The following HMCN1 variants were observed in gnomAD, a reference collection of about 807,000 sequenced individuals.
HMCN1 encodes hemicentin-1.
A neutral mutation model predicts 625.9 loss-of-function variants in HMCN1; 321 were observed. The observed-to-expected ratio is 0.51, with a 90% confidence interval of 0.47 to 0.56. HMCN1 has a LOEUF of 0.56. Among genes scored for constraint, HMCN1 ranks in the 20% least tolerant of loss-of-function variants. The pLI, the probability that HMCN1 is intolerant of heterozygous loss-of-function variation, is 0.00. For missense variants in HMCN1, 6,588 were observed against 6,887.3 expected (o/e 0.96, Z 1.54); for synonymous variants, 2,425 against 2,417.6 (o/e 1.00, Z -0.09).
intron 1 of HMCN1, among the ~76,000 whole-genome samples, chr1:185,798,222 A>G (rs1411581667): frequency 6.6e-6 from 1 of 152,098 alleles, no homozygotes; most frequent in African/African-American, 2.4e-5. Context: ...GAATTATGGA[A>G]ATAAGACCCT....
chr1:185,853,953 A>G (rs974140794), intron 2 of HMCN1, among the ~76,000 whole-genome samples: 4 of 152,326 alleles, frequency 2.6e-5, no homozygotes, highest in African/African-American at 7.2e-5. Context: ...GAGAAAGAAT[A>G]CACTAAACTA....
intron 11 of HMCN1, among the ~76,000 whole-genome samples, chr1:185,945,518 A>C (rs1329521086): frequency 1.3e-5 from 2 of 152,226 alleles, no homozygotes; most frequent in African/African-American, 4.8e-5. Flanking sequence ...TAATAAAGGA[A>C]ATTAGGCAAT....
intron 15 of HMCN1, among the ~76,000 whole-genome samples, chr1:185,973,438 A>G (rs989365200): frequency 1.3e-5 from 2 of 152,110 alleles, no homozygotes; most frequent in Non-Finnish European, 2.9e-5. Context: ...TTAGTAGTGC[A>G]TAAAATTGTT....
At chr1:185,849,217 C>T (rs1198706065) in intron 2 of HMCN1, among the ~76,000 whole-genome samples, 2 of 152,142 alleles carry the variant, frequency 1.3e-5, no homozygotes, top group African/African-American at 4.8e-5. Context: ...CACCCATCTC[C>T]TCAGGGCATT....
chr1:186,091,038 A>G, intron 64 of HMCN1, 121 bp downstream of exon 64: 1 of 1,175,012 alleles, frequency 8.5e-7, no homozygotes, highest in South Asian at 1.4e-5. Context: ...CTATCATTAT[A>G]TTCACAAAGA....
In HMCN1 at chr1:186,090,742, A is replaced by G. The variant is rs1172838948; in HGVS notation, c.9728-16A>G. 1 of 1,611,734 alleles carries G rather than the reference A, an allele frequency of 6.2e-7. No homozygotes were observed. The highest frequency in any genetic ancestry group is 1.7e-5 in the Admixed American group (1 of 59,770). On this transcript the variant is annotated splice_polypyrimidine_tract_variant and intron_variant, in intron 63 of 106. Transcript: ENST00000271588. Reference sequence around the variant, plus strand: ...CCTGTGTCTTGTTAATGAAATTCCTAATTATTTCTCCAAAGTTCCTCCAAG... The same window carrying G: ...CCTGTGTCTTGTTAATGAAATTCCTGATTATTTCTCCAAAGTTCCTCCAAG...
At chr1:185,928,808 C>G in intron 10 of HMCN1, 141 bp downstream of exon 10, 1 of 861,730 alleles carries the variant, frequency 1.2e-6, no homozygotes, top group Non-Finnish European at 1.9e-6. Flanking sequence ...ATTGAGAACT[C>G]AAATCCTGTG....
intron 1 of HMCN1, among the ~76,000 whole-genome samples, chr1:185,793,316 G>C (rs1658131046): frequency 6.6e-6 from 1 of 152,168 alleles, no homozygotes; most frequent in African/African-American, 2.4e-5. Flanking sequence ...GCCTTTCCCA[G>C]CTTTTAGATG....
chr1:186,150,328 A>T (rs774793862), intron 93 of HMCN1, among the ~76,000 whole-genome samples: 3 of 152,218 alleles, frequency 2.0e-5, no homozygotes, highest in Non-Finnish European at 4.4e-5. Context: ...CATGAAATTC[A>T]TTTTGAAAAA....
chr1:185,882,089 T>C (rs1165860146), intron 4 of HMCN1, among the ~76,000 whole-genome samples: 1 of 152,202 alleles, frequency 6.6e-6, no homozygotes, highest in African/African-American at 2.4e-5. Context: ...TATTTGAAGA[T>C]CTATCAGAGT....
At chr1:185,845,484 G>C (rs1466700110) in intron 1 of HMCN1, among the ~76,000 whole-genome samples, 1 of 152,220 alleles carries the variant, frequency 6.6e-6, no homozygotes, top group African/African-American at 2.4e-5. Flanking sequence ...GACTCCCAAA[G>C]TGCTGAGATT....
chr1:186,039,864 T>C lies in HMCN1; in HGVS notation c.6165T>C (p.Phe2055=). Reference sequence around the variant, plus strand: ...AAGATGGGAGTCCTGTTTCTAGTTTTTCTAATGGATTACAGGTACCTTCAT... The same window carrying C: ...AAGATGGGAGTCCTGTTTCTAGTTTCTCTAATGGATTACAGGTACCTTCAT... ...WLKDGSPVSS[F]SNGLQVLSGG... The change falls in exon 39 of 107, where the codon TTT becomes TTC. Residue 2055 remains phenylalanine (F), a synonymous_variant. Coordinates refer to ENST00000271588, the MANE Select transcript of HMCN1 (RefSeq NM_031935.3). The C allele has an allele frequency of 6.2e-7, 1 of 1,613,370 alleles. No individual in the cohort carries two copies. Among genetic ancestry groups the C allele is most frequent in the Non-Finnish European group, 8.5e-7 (1 of 1,179,504 alleles).
At chr1:185,950,583 A>T (rs1191698982) in intron 11 of HMCN1, among the ~76,000 whole-genome samples, 1 of 151,744 alleles carries the variant, frequency 6.6e-6, no homozygotes. Flanking sequence ...GTGTGTTTTT[A>T]TGAGAATTAT....
intron 55 of HMCN1, among the ~76,000 whole-genome samples, chr1:186,079,891 C>T (rs1333534645): frequency 2.0e-5 from 3 of 152,138 alleles, no homozygotes; most frequent in Admixed American, 6.5e-5. Context: ...CTCCCAGGTG[C>T]AGGGAGGGCC....
intron 1 of HMCN1, among the ~76,000 whole-genome samples, chr1:185,845,341 C>A (rs563436797): frequency 3.7e-4 from 57 of 152,270 alleles, no homozygotes; most frequent in Non-Finnish European, 7.6e-4. Context: ...TCTCAGCCTC[C>A]TGAGTAGCTG....
chr1:186,123,264 T>G (rs1661484879), intron 81 of HMCN1, 44 bp downstream of exon 81: 1 of 1,587,674 alleles, frequency 6.3e-7, no homozygotes, highest in Non-Finnish European at 8.6e-7. Context: ...TGCACTACCA[T>G]GGCAAAGAGA....
Position 186,045,843 on chromosome 1 carries a change from G to T in HMCN1, c.6460G>T (p.Glu2154Ter). ...GAAGAAACCAGGCCTCAGTATATCT[G>T]AAAATAGAAGTGTGTTAAAGGTAAG... ...LLKKPGLSISENRSVLKIEDA... is the reference protein window; with the variant it reads ...LLKKPGLSIS Residue 2154 changes from glutamate to a stop codon, truncating the protein, a stop_gained, in exon 41 of 107, where the codon GAA becomes TAA. Coordinates refer to ENST00000271588, the MANE Select transcript of HMCN1 (RefSeq NM_031935.3). LOFTEE classifies it high-confidence loss of function. 1 of 1,611,800 alleles carries T rather than the reference G, an allele frequency of 6.2e-7. No individual in the cohort carries two copies. The highest frequency in any genetic ancestry group is 8.5e-7 in the Non-Finnish European group (1 of 1,178,140).
intron 1 of HMCN1, among the ~76,000 whole-genome samples, chr1:185,834,758 G>A (rs112047249): frequency 0.037 from 5,640 of 152,202 alleles, 318 homozygotes; most frequent in African/African-American, 0.13. Context: ...GAGGATGCTT[G>A]CCACATTTGA....
intron 4 of HMCN1, among the ~76,000 whole-genome samples, chr1:185,906,977 G>T (rs1666133031): frequency 6.9e-6 from 1 of 145,758 alleles, no homozygotes. Flanking sequence ...TTTTAGTTAG[G>T]CAGACCCTTA....
Sources: gnomAD v4.1 joint callset for allele counts (sites outside exome capture counted in the v4.1 genomes callset) on GRCh38, gnomAD v4.1.1 for gene constraint, MANE v1.5 for transcripts, NCBI Gene and HGNC (gene_info 2026-07-23, HGNC 2026-07-21) for gene names.